The following CDH18 variants were observed in gnomAD, a reference collection of about 807,000 sequenced individuals.
The protein encoded by CDH18 is cadherin-18.
Under a neutral mutation model 67.9 loss-of-function variants are expected in CDH18, and 31 were observed. That is an observed-to-expected ratio of 0.46 (90% CI 0.34 to 0.62). The LOEUF (loss-of-function observed/expected upper bound fraction) is 0.62. CDH18 is among the 20% of genes least tolerant of loss of function. The pLI is 0.01. For synonymous variants in CDH18, 362 were observed against 347.2 expected (o/e 1.04, Z -0.48); for missense variants, 890 against 975.5 (o/e 0.91, Z 1.17).
chr5:20,238,204 T>G (rs1742622842), intron 2 of CDH18, among the ~76,000 whole-genome samples: 1 of 152,064 alleles, frequency 6.6e-6, no homozygotes, highest in Non-Finnish European at 1.5e-5. Flanking sequence ...GTTGTGATCT[T>G]GGGTGAAGCA....
rs563501092 is a variant in CDH18, at chr5:20,529,409, T to C, written c.-580+46053A>G. On this transcript the variant is annotated intron_variant, in intron 1 of 14. Transcript: ENST00000507958. The stretch of plus-strand genomic sequence containing the variant: ...TTTAAAGAGGTCAGCATCATCCTGA[T>C]ACCAAAACCTGGCAGAGATACAACA... Among the ~76,000 whole-genome samples, 11 of 152,122 alleles carry C rather than the reference T, an allele frequency of 7.2e-5. No individual in the cohort carries two copies. In the South Asian group the frequency reaches 2.3e-3, roughly 31 times the overall value.
intron 1 of CDH18, among the ~76,000 whole-genome samples, chr5:20,544,561 T>C (rs1457219975): frequency 4.0e-5 from 6 of 150,550 alleles, no homozygotes; most frequent in East Asian, 1.9e-4. Context: ...ACATCTTACA[T>C]GGCAGAGGAG....
intron 5 of CDH18, among the ~76,000 whole-genome samples, chr5:19,706,671 C>G (rs1344696760): frequency 1.3e-5 from 2 of 152,164 alleles, no homozygotes; most frequent in Non-Finnish European, 2.9e-5. Context: ...GATGGGCATT[C>G]CAGCTTCTAT....
intron 6 of CDH18, among the ~76,000 whole-genome samples, chr5:19,593,696 T>TTCCTCC (rs1436673465): frequency 8.9e-4 from 15 of 16,868 alleles, no homozygotes; most frequent in Non-Finnish European, 1.8e-3. Flanking sequence ...TCTCTTCCTC[T>TTCCTCC]TCCTCCTCCT....
intron 1 of CDH18, among the ~76,000 whole-genome samples, chr5:20,330,552 C>G (rs888345316): frequency 6.6e-6 from 1 of 152,064 alleles, no homozygotes; most frequent in Non-Finnish European, 1.5e-5. Flanking sequence ...CAGTAACAGA[C>G]AAAAATGGCA....
intron 5 of CDH18, among the ~76,000 whole-genome samples, chr5:19,663,249 T>A (rs1399147188): frequency 6.6e-6 from 1 of 151,954 alleles, no homozygotes; most frequent in Non-Finnish European, 1.5e-5. Flanking sequence ...AAATGTTCTA[T>A]CCCCCTGCAA....
chr5:19,652,051 T>C (rs1755652853), intron 5 of CDH18, among the ~76,000 whole-genome samples: 1 of 152,066 alleles, frequency 6.6e-6, no homozygotes, highest in Non-Finnish European at 1.5e-5. Context: ...TACTAACATT[T>C]TATGTAATTT....
chr5:19,721,270 A>G (rs779046857), intron 5 of CDH18, 77 bp downstream of exon 5: 13 of 1,334,452 alleles, frequency 9.7e-6, no homozygotes, highest in Non-Finnish European at 1.2e-5. Context: ...GGAAAAGAGC[A>G]TATGGAAATA....
At chr5:19,787,809 T>TGATATATATATATATATATA (rs1554034047) in intron 3 of CDH18, among the ~76,000 whole-genome samples, 1 of 144,400 alleles carries the variant, frequency 6.9e-6, no homozygotes, top group African/African-American at 2.6e-5. Context: ...TAATTTACAG[T>TGATATATATATATATATATA]TATATATATA....
At chr5:20,029,559 C>A (rs1739205571) in intron 2 of CDH18, among the ~76,000 whole-genome samples, 1 of 152,170 alleles carries the variant, frequency 6.6e-6, no homozygotes, top group African/African-American at 2.4e-5. Flanking sequence ...TTAATGCTTA[C>A]TTAAAACAAG....
At chr5:19,869,617 ACTT>A (rs1343840918) in intron 2 of CDH18, among the ~76,000 whole-genome samples, 1 of 152,140 alleles carries the variant, frequency 6.6e-6, no homozygotes, top group African/African-American at 2.4e-5. Flanking sequence ...TCACTTTATG[ACTT>A]CTTGTTCTTG....
At chr5:20,552,551 T>C (rs774195049) in intron 1 of CDH18, among the ~76,000 whole-genome samples, 8 of 152,122 alleles carry the variant, frequency 5.3e-5, no homozygotes, top group Non-Finnish European at 7.4e-5. Context: ...TTTAGTCTCA[T>C]ACATACTGAA....
intron 3 of CDH18, among the ~76,000 whole-genome samples, chr5:19,820,223 T>C (rs2149941292): frequency 6.6e-6 from 1 of 152,080 alleles, no homozygotes; most frequent in Non-Finnish European, 1.5e-5. Context: ...TGTAGCAAGT[T>C]GGCCAGCTGC....
chr5:20,537,229 A>T (rs1756774739), intron 1 of CDH18, among the ~76,000 whole-genome samples: 1 of 152,318 alleles, frequency 6.6e-6, no homozygotes, highest in Non-Finnish European at 1.5e-5. Context: ...AAACTTGGGA[A>T]TAAGGTAATG....
At chr5:19,475,831 A>C (rs957884201) in intron 12 of CDH18, among the ~76,000 whole-genome samples, 1 of 152,086 alleles carries the variant, frequency 6.6e-6, no homozygotes, top group Non-Finnish European at 1.5e-5. Flanking sequence ...ATCAAACACC[A>C]GGTTATCTAA....
intron 5 of CDH18, among the ~76,000 whole-genome samples, chr5:19,634,949 A>AG (rs1201115238): frequency 6.6e-6 from 1 of 151,840 alleles, no homozygotes; most frequent in African/African-American, 2.4e-5. Flanking sequence ...AAAAAAAAAA[A>AG]AAAGAAAGAA....
chr5:19,528,239 TTCTA>T (rs911784988), intron 9 of CDH18, among the ~76,000 whole-genome samples: 52 of 151,738 alleles, frequency 3.4e-4, no homozygotes, highest in Non-Finnish European at 1.0e-4. Flanking sequence ...CTGTGAACTT[TTCTA>T]TCTTTTATCT....
chr5:20,298,087 C>T (rs1747678176), intron 1 of CDH18, among the ~76,000 whole-genome samples: 2 of 152,032 alleles, frequency 1.3e-5, no homozygotes, highest in African/African-American at 4.8e-5. Context: ...AGGGAACTTG[C>T]CTGTCTAAAA....
chr5:19,800,126 A>G (rs575638504), intron 3 of CDH18, among the ~76,000 whole-genome samples: 1 of 152,304 alleles, frequency 6.6e-6, no homozygotes, highest in East Asian at 1.9e-4. Flanking sequence ...AGGATAAAAG[A>G]AACCATATCC....
Sources: gnomAD v4.1 joint callset for allele counts (sites outside exome capture counted in the v4.1 genomes callset) on GRCh38, gnomAD v4.1.1 for gene constraint, MANE v1.5 for transcripts, NCBI Gene and HGNC (gene_info 2026-07-23, HGNC 2026-07-21) for gene names.